Variants in CSMD1 observed in about 807,000 individuals in gnomAD.
CSMD1 encodes the protein CUB and sushi domain-containing protein 1.
In CSMD1, 213 loss-of-function variants were observed where a neutral mutation model predicts 417.5. That is an observed-to-expected ratio of 0.51 (90% CI 0.46 to 0.57). The LOEUF (loss-of-function observed/expected upper bound fraction) is 0.57. Ranked by LOEUF, CSMD1 falls within the 20% of genes least tolerant of loss-of-function variation. The pLI, the probability that CSMD1 is intolerant of heterozygous loss-of-function variation, is 0.00. For synonymous variants in CSMD1, 2,862 were observed against 1,736.8 expected (o/e 1.65, Z -16.11); for missense variants, 6,923 against 4,529.7 (o/e 1.53, Z -15.17).
In CSMD1 at chr8:4,654,292, T is replaced by C. The variant is rs749233862; in HGVS notation, c.86-16734A>G. 2.6e-5 allele frequency among the ~76,000 whole-genome samples: 4 copies of C among 152,250 alleles called. No individual in the cohort carries two copies. The East Asian group carries it at 7.7e-4, about 29-fold the overall frequency. On this transcript the variant is annotated intron_variant, in intron 1 of 69. Transcript: ENST00000635120. Reference sequence around the variant, plus strand: ...AATCTCAAATGAATATAGACTTATATGGAAAGGATATAAATGGTTCAGGGA... The same window carrying C: ...AATCTCAAATGAATATAGACTTATACGGAAAGGATATAAATGGTTCAGGGA...
chr8:4,915,607 C>G (rs924043267), intron 1 of CSMD1, among the ~76,000 whole-genome samples: 1 of 152,168 alleles, frequency 6.6e-6, no homozygotes, highest in Non-Finnish European at 1.5e-5. Flanking sequence ...CTGTTGCATC[C>G]GATTGAACTC....
chr8:4,292,872 A>T (rs927239766), intron 3 of CSMD1, among the ~76,000 whole-genome samples: 2 of 152,190 alleles, frequency 1.3e-5, no homozygotes, highest in Non-Finnish European at 2.9e-5. Flanking sequence ...GGGTTAATTT[A>T]AAAGGCTTTT....
At chr8:3,473,763 T>C (rs1302171809) in intron 11 of CSMD1, among the ~76,000 whole-genome samples, 1 of 152,182 alleles carries the variant, frequency 6.6e-6, no homozygotes, top group Non-Finnish European at 1.5e-5. Flanking sequence ...TGTATCAGTC[T>C]ACTCTCACAC....
intron 33 of CSMD1, among the ~76,000 whole-genome samples, chr8:3,191,488 T>G (rs1011602664): frequency 6.6e-6 from 1 of 151,998 alleles, no homozygotes; most frequent in Non-Finnish European, 1.5e-5. Context: ...AGCAAGCCCC[T>G]CCAGTTCTCT....
intron 2 of CSMD1, among the ~76,000 whole-genome samples, chr8:4,589,958 G>T (rs578088349): frequency 6.6e-6 from 1 of 152,266 alleles, no homozygotes; most frequent in South Asian, 2.1e-4. Context: ...AAGTTCCTAG[G>T]TTACTAGGCT....
chr8:3,926,079 CCA>C (rs1809665544), intron 5 of CSMD1, among the ~76,000 whole-genome samples: 2 of 81,374 alleles, frequency 2.5e-5, no homozygotes, highest in Admixed American at 1.5e-4. Context: ...CACACAAACA[CCA>C]TACACACACA....
intron 3 of CSMD1, among the ~76,000 whole-genome samples, chr8:4,223,626 G>A (rs748240961): frequency 4.6e-5 from 7 of 152,236 alleles, no homozygotes; most frequent in South Asian, 2.1e-4. Flanking sequence ...GAATAGATTA[G>A]CAGCCAGGAC....
intron 3 of CSMD1, among the ~76,000 whole-genome samples, chr8:4,139,077 T>C (rs1714804): frequency 0.99 from 150,940 of 152,228 alleles, 74,848 homozygotes; most frequent in Middle Eastern, 1. Flanking sequence ...AGAGCAACAA[T>C]GTCTTTTACC....
intron 3 of CSMD1, among the ~76,000 whole-genome samples, chr8:4,276,527 C>T (rs1253231591): frequency 1.3e-5 from 2 of 152,100 alleles, no homozygotes; most frequent in African/African-American, 4.8e-5. Flanking sequence ...ACCACCATGG[C>T]ACATGTTTAA....
intron 1 of CSMD1, among the ~76,000 whole-genome samples, chr8:4,856,612 A>C (rs1429262378): frequency 6.9e-6 from 1 of 145,672 alleles, no homozygotes; most frequent in African/African-American, 2.6e-5. Context: ...CAGGGGTTGC[A>C]ATCCTAGTCT....
chr8:3,099,253 C>T (rs1005224315), intron 46 of CSMD1, among the ~76,000 whole-genome samples: 1 of 152,114 alleles, frequency 6.6e-6, no homozygotes, highest in Non-Finnish European at 1.5e-5. Context: ...TAAACTTTAC[C>T]TACACCCTCC....
At chr8:3,436,944 A>G (rs1166940898) in intron 12 of CSMD1, among the ~76,000 whole-genome samples, 2 of 152,164 alleles carry the variant, frequency 1.3e-5, no homozygotes. Flanking sequence ...AAGAGTGTGA[A>G]GCTAAAAAAA....
chr8:4,584,536 A>T (rs1799605767), intron 2 of CSMD1, among the ~76,000 whole-genome samples: 1 of 152,088 alleles, frequency 6.6e-6, no homozygotes, highest in South Asian at 2.1e-4. Context: ...CGGAGTTGGG[A>T]CCGTTGGTTT....
chr8:4,303,817 G>C (rs147587245), intron 3 of CSMD1, among the ~76,000 whole-genome samples: 4 of 151,864 alleles, frequency 2.6e-5, no homozygotes, highest in African/African-American at 9.7e-5. Context: ...CACTCTCCCC[G>C]GCTAATTGTT....
chr8:4,050,320 G>T (rs1398799658), intron 3 of CSMD1, among the ~76,000 whole-genome samples: 1 of 152,148 alleles, frequency 6.6e-6, no homozygotes, highest in Non-Finnish European at 1.5e-5. Context: ...AATACGAAAG[G>T]AGGCTAGTTA....
At chr8:3,349,177 G>C (rs1808223426) in intron 21 of CSMD1, among the ~76,000 whole-genome samples, 2 of 152,188 alleles carry the variant, frequency 1.3e-5, no homozygotes, top group African/African-American at 4.8e-5. Flanking sequence ...ACTGAGAGCA[G>C]GAGAGAAGGA....
intron 15 of CSMD1, among the ~76,000 whole-genome samples, chr8:3,402,202 G>C (rs1002434838): frequency 1.3e-5 from 2 of 152,068 alleles, no homozygotes; most frequent in South Asian, 2.1e-4. Flanking sequence ...ACTTGAAAGA[G>C]AACTCACTCA....
intron 3 of CSMD1, among the ~76,000 whole-genome samples, chr8:4,395,904 T>G (rs1473127126): frequency 1.3e-5 from 2 of 152,200 alleles, no homozygotes; most frequent in African/African-American, 4.8e-5. Context: ...CATATAAGTG[T>G]AATTGTAAGT....
intron 3 of CSMD1, among the ~76,000 whole-genome samples, chr8:4,390,520 T>TATTTATTTATTTATTG (rs1803776989): frequency 6.7e-6 from 1 of 150,224 alleles, no homozygotes; most frequent in Admixed American, 6.7e-5. Flanking sequence ...TTTATTTATT[T>TATTTATTTATTTATTG]ATTTATTTTT....
Sources: allele counts gnomAD v4.1 joint callset (sites outside exome capture counted in the v4.1 genomes callset), GRCh38; gene constraint gnomAD v4.1.1; transcripts MANE v1.5; gene names NCBI Gene and HGNC (gene_info 2026-07-23, HGNC 2026-07-21).